RABGAP1: variants seen among roughly 807,000 people sequenced by gnomAD.
The protein encoded by RABGAP1 is rab GTPase-activating protein 1.
RABGAP1 carries 23 observed loss-of-function variants against 137.6 expected under a neutral mutation model. The observed-to-expected ratio is 0.17, with a 90% confidence interval of 0.12 to 0.24. The LOEUF is 0.24. RABGAP1 is among the 10% of genes least tolerant of loss of function. The pLI is 1.00. For missense variants in RABGAP1, 906 were observed against 1,275.8 expected, an observed-to-expected ratio of 0.71 and a Z score of 4.42; for synonymous variants, 451 against 450.7, an observed-to-expected ratio of 1.00 and a Z score of -0.01.
chr9:122,964,828 A>G (rs555123825), intron 2 of RABGAP1, among the ~76,000 whole-genome samples: 1 of 152,190 alleles, frequency 6.6e-6, no homozygotes, highest in Non-Finnish European at 1.5e-5. Context: ...CCATCTCTAC[A>G]AGAAAAAAAT....
intron 9 of RABGAP1, 150 bp from the exon 10 acceptor site, chr9:122,998,447 A>G: frequency 1.6e-6 from 1 of 639,252 alleles, no homozygotes. Flanking sequence ...GAAACCAGTT[A>G]TTTGTCTAGT....
intron 13 of RABGAP1, among the ~76,000 whole-genome samples, chr9:123,032,219 G>T (rs1445692648): frequency 6.6e-6 from 1 of 152,188 alleles, no homozygotes; most frequent in Non-Finnish European, 1.5e-5. Context: ...CTAGGTGTTG[G>T]TAAGCCTTTT....
At chr9:122,953,016 T>C (rs1834331814) in intron 1 of RABGAP1, among the ~76,000 whole-genome samples, 1 of 152,246 alleles carries the variant, frequency 6.6e-6, no homozygotes, top group Admixed American at 6.5e-5. Flanking sequence ...AGTACTATTT[T>C]GCTTTTATTT....
chr9:123,060,823 T>C (rs2033942388), intron 13 of RABGAP1, among the ~76,000 whole-genome samples: 2 of 152,374 alleles, frequency 1.3e-5, no homozygotes, highest in South Asian at 4.1e-4. Context: ...ATACAGACTT[T>C]TGCAAAATGC....
intron 24 of RABGAP1, among the ~76,000 whole-genome samples, chr9:123,100,840 A>G (rs1379684048): frequency 6.6e-6 from 1 of 152,360 alleles, no homozygotes; most frequent in Middle Eastern, 3.4e-3. Context: ...TTTTCCACAT[A>G]TAACATCTTT....
In RABGAP1 at chr9:122,984,568, G is replaced by A; in HGVS notation, c.234G>A (p.Gly78=). 1 of 1,614,166 alleles carries A rather than the reference G, an allele frequency of 6.2e-7. No homozygotes were observed. The highest frequency in any genetic ancestry group is 1.1e-5 in the South Asian group (1 of 91,076). ...ATCCTCCAATGGACGACCAGCCAGG[G>A]GAAAAGGAGCTTGTGAAAAGGTCAC... ...LMDPPMDDQP[G]EKELVKRSQL... is the part of the protein sequence containing the mutation. The change falls in exon 3 of 26, where the codon GGG becomes GGA. Residue 78 remains glycine, a synonymous_variant. Coordinates refer to ENST00000373647, the MANE Select transcript of RABGAP1 (RefSeq NM_012197.4).
intron 13 of RABGAP1, among the ~76,000 whole-genome samples, chr9:123,030,780 G>T (rs572062527): frequency 1.3e-5 from 2 of 152,134 alleles, no homozygotes; most frequent in African/African-American, 4.8e-5. Flanking sequence ...ACTAGAATGA[G>T]TCTATGTTAT....
chr9:123,054,242 C>T (rs2033604843), intron 13 of RABGAP1, among the ~76,000 whole-genome samples: 1 of 152,170 alleles, frequency 6.6e-6, no homozygotes, highest in South Asian at 2.1e-4. Flanking sequence ...ATCACAAGAA[C>T]AGAGCCTACC....
At chr9:122,942,821 A>G (rs1050368227) in intron 1 of RABGAP1, among the ~76,000 whole-genome samples, 1 of 152,056 alleles carries the variant, frequency 6.6e-6, no homozygotes, top group Non-Finnish European at 1.5e-5. Context: ...TGTAATTTTA[A>G]TTCAAGATAT....
At chr9:122,964,955 C>G (rs1454737891) in intron 2 of RABGAP1, among the ~76,000 whole-genome samples, 2 of 152,094 alleles carry the variant, frequency 1.3e-5, no homozygotes, top group Non-Finnish European at 2.9e-5. Flanking sequence ...GTGATCATAA[C>G]CACTGCACCC....
chr9:122,981,069 A>G (rs1836027431), intron 2 of RABGAP1, among the ~76,000 whole-genome samples: 1 of 151,902 alleles, frequency 6.6e-6, no homozygotes, highest in African/African-American at 2.4e-5. Flanking sequence ...ATAGAGTCTC[A>G]TTCTGTCACC....
intron 2 of RABGAP1, among the ~76,000 whole-genome samples, chr9:122,973,243 T>A (rs1835564366): frequency 6.6e-6 from 1 of 152,134 alleles, no homozygotes; most frequent in African/African-American, 2.4e-5. Flanking sequence ...ATCAGTTACT[T>A]TTTTTTGCTT....
At chr9:123,066,987 C>A (rs1021480109) in intron 14 of RABGAP1, among the ~76,000 whole-genome samples, 3 of 151,918 alleles carry the variant, frequency 2.0e-5, no homozygotes, top group African/African-American at 7.3e-5. Context: ...TACTTTAAAA[C>A]AAATCTTAGA....
At chr9:122,987,583 G>A (rs1468430506) in intron 4 of RABGAP1, among the ~76,000 whole-genome samples, 1 of 151,380 alleles carries the variant, frequency 6.6e-6, no homozygotes, top group Non-Finnish European at 1.5e-5. Context: ...CTCTTTTCAT[G>A]CCAGTAAATA....
chr9:123,002,292 A>G (rs1427693355), intron 10 of RABGAP1, among the ~76,000 whole-genome samples: 2 of 150,172 alleles, frequency 1.3e-5, no homozygotes, highest in African/African-American at 4.9e-5. Context: ...CAAGAGCAAA[A>G]CTCCGTCAAA....
intron 1 of RABGAP1, among the ~76,000 whole-genome samples, chr9:122,941,832 A>G (rs937887404): frequency 4.6e-5 from 7 of 152,242 alleles, no homozygotes; most frequent in Admixed American, 3.3e-4. Context: ...TTCTGCATCC[A>G]GACTGTTTAT....
intron 1 of RABGAP1, among the ~76,000 whole-genome samples, chr9:122,952,573 A>T (rs1834312285): frequency 6.6e-6 from 1 of 151,834 alleles, no homozygotes; most frequent in Non-Finnish European, 1.5e-5. Flanking sequence ...TGGCTGATAA[A>T]TTTTTTTAAA....
intron 19 of RABGAP1, among the ~76,000 whole-genome samples, chr9:123,078,675 C>T (rs1282119833): frequency 6.6e-6 from 1 of 152,138 alleles, no homozygotes; most frequent in Non-Finnish European, 1.5e-5. Flanking sequence ...TCTTTGCCTC[C>T]AAAATCCCCT....
chr9:122,943,008 TCAAAAAA>T (rs1833687578), intron 1 of RABGAP1, among the ~76,000 whole-genome samples: 2 of 147,536 alleles, frequency 1.4e-5, no homozygotes, highest in South Asian at 4.2e-4. Flanking sequence ...CCAGTTCCCA[TCAAAAAA>T]TAAAAAATAA....
Sources: gnomAD v4.1 joint callset for allele counts (sites outside exome capture counted in the v4.1 genomes callset) on GRCh38, gnomAD v4.1.1 for gene constraint, MANE v1.5 for transcripts, NCBI Gene and HGNC (gene_info 2026-07-23, HGNC 2026-07-21) for gene names.